NDUFAF7: variants seen among roughly 807,000 people sequenced by gnomAD.
The protein encoded by NDUFAF7 is NADH:ubiquinone oxidoreductase complex assembly factor 7.
Under a neutral mutation model 47.2 loss-of-function variants are expected in NDUFAF7, and 48 were observed. That is an observed-to-expected ratio of 1.02 (90% CI 0.81 to 1.29). The LOEUF (loss-of-function observed/expected upper bound fraction) is 1.29. Among genes scored for constraint, NDUFAF7 ranks in the 50% most tolerant of loss-of-function variants. The pLI is 0.00. For synonymous variants in NDUFAF7, 217 were observed against 190.0 expected (o/e 1.14, Z -1.17); for missense variants, 635 against 537.6 (o/e 1.18, Z -1.79).
intron 9 of NDUFAF7, among the ~76,000 whole-genome samples, chr2:37,247,857 G>A (rs533004108): frequency 1.3e-3 from 197 of 152,262 alleles, no homozygotes; most frequent in Non-Finnish European, 2.0e-3. Context: ...TAAGAAAACT[G>A]CGTTTATGGG....
downstream of NDUFAF7, among the ~76,000 whole-genome samples, chr2:37,257,767 G>T (rs1006620333): frequency 1.3e-5 from 2 of 151,838 alleles, no homozygotes; most frequent in African/African-American, 4.8e-5. Flanking sequence ...TTATAAACTG[G>T]CAAGTAAATA....
chr2:37,236,221 G>A (rs766036030), intron 3 of NDUFAF7, 45 bp downstream of exon 3: 10 of 1,437,054 alleles, frequency 7.0e-6, no homozygotes, highest in Non-Finnish European at 8.8e-6. Flanking sequence ...ATAAACATTT[G>A]AGAGCAGATC....
the NDUFAF7 span, among the ~76,000 whole-genome samples, chr2:37,265,520 G>C: frequency 2.9e-4 from 44 of 151,930 alleles, no homozygotes; most frequent in Non-Finnish European, 5.4e-4. Flanking sequence ...CACACACACA[G>C]AGTGGGTCAG....
At chr2:37,254,019 TTTAA>T (rs1247157721), downstream of NDUFAF7, among the ~76,000 whole-genome samples, 1 of 151,950 alleles carries the variant, frequency 6.6e-6, no homozygotes, top group East Asian at 1.9e-4. Flanking sequence ...TTCATGGGAG[TTTAA>T]TTGCCTGTCA....
chr2:37,260,170 A>G, the NDUFAF7 span: 5 of 1,509,536 alleles, frequency 3.3e-6, no homozygotes, highest in Non-Finnish European at 4.5e-6. Context: ...GTCTTAAAAA[A>G]AAAAAAATTA....
chr2:37,241,042 T>G (rs1666284552), intron 4 of NDUFAF7, among the ~76,000 whole-genome samples: 1 of 152,208 alleles, frequency 6.6e-6, no homozygotes, highest in African/African-American at 2.4e-5. Context: ...CTTAAAAGAT[T>G]GGTAAAATAT....
At chr2:37,257,337 CATAAAGGTACTCAA>C (rs934666701), downstream of NDUFAF7, among the ~76,000 whole-genome samples, 12 of 152,092 alleles carry the variant, frequency 7.9e-5, no homozygotes, top group Non-Finnish European at 1.6e-4. Context: ...TGCCTGGACA[CATAAAGGTACTCAA>C]TGTTTGCTGA....
chr2:37,243,753 T>G, intron 6 of NDUFAF7, 110 bp from the exon 7 acceptor site: 1 of 770,450 alleles, frequency 1.3e-6, no homozygotes, highest in Non-Finnish European at 2.3e-6. Context: ...TAGTAAGTTC[T>G]CTGTAAATGT....
the NDUFAF7 span, among the ~76,000 whole-genome samples, chr2:37,262,006 A>G: frequency 6.6e-6 from 1 of 151,856 alleles, no homozygotes; most frequent in South Asian, 2.1e-4. Context: ...CTGTAGGCTA[A>G]TGTAAGCGAC....
rs1340551365 is a variant in NDUFAF7 at position 37,246,145 on chromosome 2, G to A, written c.886G>A (p.Ala296Thr). Reference sequence around the variant, plus strand: ...ACGCATTGCATTAACTGGAGGTGCTGCACTGGTTGCTGATTATGGTCATGA... The same window carrying A: ...ACGCATTGCATTAACTGGAGGTGCTACACTGGTTGCTGATTATGGTCATGA... ...SQRIALTGGA[A>T]LVADYGHDGT... The change falls in exon 8 of 10, where the codon GCA (alanine) becomes ACA (threonine). Residue 296 changes from alanine to threonine, a missense_variant. Physicochemically the swap from Ala to Thr is moderately conservative, Grantham distance 58. Transcript: ENST00000002125. The A allele has an allele frequency of 6.2e-7, 1 of 1,613,854 alleles. No individual in the cohort carries two copies. The highest frequency in any genetic ancestry group is 1.1e-5 in the South Asian group (1 of 91,070).
chr2:37,236,324 A>G, intron 3 of NDUFAF7, 148 bp downstream of exon 3: 2 of 702,956 alleles, frequency 2.8e-6, no homozygotes, highest in Admixed American at 2.4e-5. Context: ...GAGGGAATAG[A>G]GAGGCAGTAG....
chr2:37,260,261 G>A, the NDUFAF7 span: 7 of 1,611,294 alleles, frequency 4.3e-6, no homozygotes, highest in Non-Finnish European at 5.1e-6. Context: ...TCTGGAAGCC[G>A]ACTTTTCTCA....
rs1256548943 is a variant in NDUFAF7, at chr2:37,236,082, C to T, written c.217-14C>T. 1.9e-6 allele frequency: 3 copies of T among 1,600,190 alleles called. No homozygotes were observed. The highest frequency in any genetic ancestry group is 1.3e-5 in the African/African-American group (1 of 74,708). On this transcript the variant is annotated splice_polypyrimidine_tract_variant and intron_variant, in intron 2 of 9. Coordinates refer to ENST00000002125, the MANE Select transcript of NDUFAF7 (RefSeq NM_144736.5). ...AAAATTAATTTTGTTTCTCTATTTT[C>T]TCTTTTTACTCAGGGTTATTATGTG...
At chr2:37,233,621 CAAAA>C (rs1175933313) in intron 2 of NDUFAF7, among the ~76,000 whole-genome samples, 3 of 62,478 alleles carry the variant, frequency 4.8e-5, no homozygotes, top group Non-Finnish European at 1.0e-4. Context: ...GACTCTGTCT[CAAAA>C]AAAAAAAAAA....
the NDUFAF7 span, among the ~76,000 whole-genome samples, chr2:37,270,553 A>T: frequency 2.0e-5 from 3 of 152,012 alleles, no homozygotes; most frequent in East Asian, 5.8e-4. Context: ...TAATATACTA[A>T]TTTGGGATGT....
chr2:37,232,684 G>C (rs1665294784), intron 2 of NDUFAF7, among the ~76,000 whole-genome samples: 1 of 152,176 alleles, frequency 6.6e-6, no homozygotes, highest in African/African-American at 2.4e-5. Context: ...CTGGAAATAG[G>C]AATTACTGCC....
chr2:37,269,593 G>A, the NDUFAF7 span: 2 of 1,585,430 alleles, frequency 1.3e-6, no homozygotes, highest in Admixed American at 3.3e-5. Flanking sequence ...TGTACAATAT[G>A]CAAACGGCTG....
downstream of NDUFAF7, among the ~76,000 whole-genome samples, chr2:37,257,849 G>A (rs985549452): frequency 5.9e-5 from 9 of 152,070 alleles, no homozygotes; most frequent in Non-Finnish European, 8.8e-5. Flanking sequence ...GCCCCAGTGA[G>A]TAACAGCAAC....
chr2:37,248,492 C>T lies in NDUFAF7; in HGVS notation c.*142C>T, dbSNP rs1017676475. 3.6e-6 allele frequency: 3 copies of T among 827,210 alleles called. No homozygotes were observed. The highest frequency in any genetic ancestry group is 6.0e-6 in the Non-Finnish European group (3 of 500,154). 51.2% of individuals were successfully genotyped at this position (827,210 alleles called of 1,614,324 possible). A position where few individuals can be genotyped will look rare whatever the true frequency, so the allele number is the denominator to read the frequency against. On this transcript the variant is annotated 3_prime_UTR_variant, in exon 10 of 10. Coordinates refer to ENST00000002125, the MANE Select transcript of NDUFAF7 (RefSeq NM_144736.5). Reference sequence around the variant, plus strand: ...CAGTCCATGTTGTATATAATACAACCAACATTATAGAACTTTTAGGGTTGT... The same window carrying T: ...CAGTCCATGTTGTATATAATACAACTAACATTATAGAACTTTTAGGGTTGT...
Sources: allele counts gnomAD v4.1 joint callset (sites outside exome capture counted in the v4.1 genomes callset), GRCh38; gene constraint gnomAD v4.1.1; transcripts MANE v1.5; gene names NCBI Gene and HGNC (gene_info 2026-07-23, HGNC 2026-07-21).